The following P2RX7 variants were observed in gnomAD, a reference collection of about 807,000 sequenced individuals.
P2RX7 encodes P2X purinoceptor 7.
In P2RX7, 62 loss-of-function variants were observed where a neutral mutation model predicts 71.6. The observed-to-expected ratio is 0.87, with a 90% CI of 0.71 to 1.07. P2RX7 has a LOEUF of 1.07. P2RX7 is among the 50% of genes least tolerant of loss of function. P2RX7 has a pLI of 0.00. For missense variants in P2RX7, 686 were observed against 748.5 expected (o/e 0.92, Z 0.97); for synonymous variants, 299 against 283.3 (o/e 1.06, Z -0.56).
chr12:121,184,874 C>G lies in P2RX7; in HGVS notation c.*72C>G. On this transcript the variant is annotated 3_prime_UTR_variant, in exon 13 of 13. Coordinates refer to ENST00000328963, the MANE Select transcript of P2RX7 (RefSeq NM_002562.6). ...CCGAGGCAGGCAGATCACCTGAGGT[C>G]GGGAGTTGGAGACCCGCCTGGCTAA... The G allele has an allele frequency of 7.9e-7, 1 of 1,269,738 alleles. No homozygotes were observed. The highest frequency in any genetic ancestry group is 2.7e-4 in the Middle Eastern group (1 of 3,756). The allele number at this position is 1,269,738 out of a possible 1,614,324, so 78.7% of individuals were successfully genotyped here. A position where few individuals can be genotyped will look rare whatever the true frequency, so the allele number is the denominator to read the frequency against.
chr12:121,166,228 C>A, intron 7 of P2RX7, 41 bp downstream of exon 7: 1 of 1,596,600 alleles, frequency 6.3e-7, no homozygotes. Flanking sequence ...GGCTGTGTGT[C>A]TAGGGATGGA....
At position 121,187,358 on chromosome 12, in the gene P2RX7, A is replaced by T. The variant is rs1014872110; in HGVS notation, c.*2556A>T. On this transcript the variant is annotated 3_prime_UTR_variant, in exon 13 of 13. Transcript: ENST00000328963. ...TTTAAACTCAGGAACCAAGTTAATT[A>T]TGCCAGATTGAACTTTGATTTTTAC... The T allele has an allele frequency of 6.6e-6, 1 of 152,236 alleles. No homozygotes were observed. Among genetic ancestry groups the T allele is most frequent in the African/African-American group, 2.4e-5 (1 of 41,466 alleles). The allele number at this position is 152,236 out of a possible 1,614,324, so 9.4% of individuals were successfully genotyped here.
intron 7 of P2RX7, among the ~76,000 whole-genome samples, chr12:121,167,001 G>A (rs980132215): frequency 1.1e-4 from 16 of 149,380 alleles, no homozygotes; most frequent in South Asian, 4.2e-4. Context: ...GCAGTGAGCC[G>A]AGATCGCACC....
At chr12:121,161,552 G>C (rs1399238825) in intron 4 of P2RX7, among the ~76,000 whole-genome samples, 1 of 151,886 alleles carries the variant, frequency 6.6e-6, no homozygotes, top group Non-Finnish European at 1.5e-5. Flanking sequence ...CAGCACTTTG[G>C]GAGGGTGAGG....
At chr12:121,167,744 T>A in intron 8 of P2RX7, 120 bp downstream of exon 8, 1 of 787,984 alleles carries the variant, frequency 1.3e-6, no homozygotes, top group African/African-American at 1.8e-5. Flanking sequence ...CTCTAAGAAC[T>A]AGGTGATAAC....
At position 121,151,425 on chromosome 12, in the gene P2RX7, C is replaced by T. The variant is rs568673022; in HGVS notation, c.126-3360C>T. Among the ~76,000 whole-genome samples the T allele has an allele frequency of 7.9e-5, 12 of 151,916 alleles. No homozygotes were observed. In the South Asian group the frequency reaches 8.3e-4, roughly 11 times the overall value. On this transcript the variant is annotated intron_variant, in intron 1 of 12. Transcript: ENST00000328963. Reference sequence around the variant, plus strand: ...CTAATTTTTGTATTTTTAGTAGAGACGGGGTTTGGCCAGGTTGGTTTCGAA... The same window carrying T: ...CTAATTTTTGTATTTTTAGTAGAGATGGGGTTTGGCCAGGTTGGTTTCGAA...
intron 1 of P2RX7, among the ~76,000 whole-genome samples, chr12:121,141,092 A>C (rs1401446417): frequency 6.6e-6 from 1 of 152,168 alleles, no homozygotes; most frequent in Non-Finnish European, 1.5e-5. Context: ...TAAATAAATA[A>C]ATAAATACAT....
chr12:121,162,987 G>A (rs1383886918), intron 5 of P2RX7, among the ~76,000 whole-genome samples: 1 of 152,078 alleles, frequency 6.6e-6, no homozygotes, highest in Non-Finnish European at 1.5e-5. Flanking sequence ...GGGGGGGAAG[G>A]AAGTTTTCTC....
chr12:121,166,453 A>C (rs1044512433), intron 7 of P2RX7, among the ~76,000 whole-genome samples: 1 of 152,162 alleles, frequency 6.6e-6, no homozygotes, highest in Non-Finnish European at 1.5e-5. Flanking sequence ...CAAAGAACAC[A>C]TATTTGCTTA....
chr12:121,150,661 C>T (rs1877195863), intron 1 of P2RX7, among the ~76,000 whole-genome samples: 1 of 152,206 alleles, frequency 6.6e-6, no homozygotes. Context: ...GTAATCCCAA[C>T]ACTTTGGGAG....
chr12:121,171,113 T>C (rs532036485), intron 8 of P2RX7, among the ~76,000 whole-genome samples: 8 of 152,240 alleles, frequency 5.3e-5, no homozygotes, highest in Non-Finnish European at 1.2e-4. Flanking sequence ...CTGTTATGAC[T>C]AATTGCCACA....
chr12:121,171,820 A>G (rs1177551059), intron 8 of P2RX7, among the ~76,000 whole-genome samples: 3 of 150,678 alleles, frequency 2.0e-5, no homozygotes, highest in Non-Finnish European at 3.0e-5. Flanking sequence ...GGGGCTCAGG[A>G]GTCTGCCTCT....
intron 1 of P2RX7, among the ~76,000 whole-genome samples, chr12:121,136,023 A>AAAAAGAATATATATATATATATAT: frequency 6.6e-5 from 1 of 15,256 alleles, no homozygotes; most frequent in African/African-American, 1.2e-4. Flanking sequence ...AAAAAAAAAA[A>AAAAAGAATATATATATATATATAT]ATATATATAT....
In P2RX7 at chr12:121,186,974, C is replaced by T. The variant is rs750527532; in HGVS notation, c.*2172C>T. The T allele has an allele frequency of 9.9e-5, 15 of 152,216 alleles. No individual in the cohort carries two copies. The highest frequency in any genetic ancestry group is 1.9e-4 in the East Asian group (1 of 5,208). 9.4% of individuals were successfully genotyped at this position (152,216 alleles called of 1,614,324 possible). On this transcript the variant is annotated 3_prime_UTR_variant, in exon 13 of 13. Transcript: ENST00000328963. ...GTACTTTGCAGCCAATCAGAACTGA[C>T]GCAGTCTGGGTGCTAGCTGCTTCAA... is the stretch of plus-strand genomic sequence containing the variant.
chr12:121,160,781 C>A (rs548717336), intron 3 of P2RX7, 121 bp from the exon 4 acceptor site: 113 of 854,506 alleles, frequency 1.3e-4, no homozygotes, highest in Non-Finnish European at 2.2e-4. Context: ...ACTTTTTTGG[C>A]GATTCTGAGT....
intron 1 of P2RX7, among the ~76,000 whole-genome samples, chr12:121,144,198 TC>T (rs1875640510): frequency 6.6e-6 from 1 of 152,182 alleles, no homozygotes; most frequent in African/African-American, 2.4e-5. Context: ...AATACTAATA[TC>T]CTCTTGTTTT....
chr12:121,137,053 A>G (rs1315445265), intron 1 of P2RX7, among the ~76,000 whole-genome samples: 1 of 152,240 alleles, frequency 6.6e-6, no homozygotes, highest in Non-Finnish European at 1.5e-5. Context: ...GTGAAATCAT[A>G]ACTTACATGT....
In P2RX7 at chr12:121,184,377, C is replaced by G; in HGVS notation, c.1363C>G (p.Gln455Glu). 1 of 1,614,166 alleles carries G rather than the reference C, an allele frequency of 6.2e-7. No individual in the cohort carries two copies. The highest frequency in any genetic ancestry group is 8.5e-7 in the Non-Finnish European group (1 of 1,180,032). ...ALHDTPPIPGQPEEIQLLRKE... is the reference protein window; with the variant it reads ...ALHDTPPIPGEPEEIQLLRKE... Reference sequence around the variant, plus strand: ...CCATGACACACCCCCGATTCCTGGACAACCAGAGGAGATACAGCTGCTTAG... The same window carrying G: ...CCATGACACACCCCCGATTCCTGGAGAACCAGAGGAGATACAGCTGCTTAG... Residue 455 changes from glutamine (Q) to glutamate (E), a missense_variant, in exon 13 of 13, where the codon CAA (glutamine) becomes GAA (glutamate). By Grantham distance (29) the Gln-to-Glu change is conservative. Transcript: ENST00000328963.
In P2RX7 at chr12:121,154,711, G is replaced by T. The variant is rs548756208; in HGVS notation, c.126-74G>T. The stretch of plus-strand genomic sequence containing the variant: ...AGCTAGGATTGGAACAGAAGTGCCT[G>T]CATCCTCCAACGCCTGCATCCCAAC... On this transcript the variant is annotated intron_variant, in intron 1 of 12. Transcript: ENST00000328963. The surrounding 1 kb of genome is among the most constrained non-coding windows in gnomAD (Gnocchi z 4.2). The T allele has an allele frequency of 1.1e-4, 101 of 927,524 alleles. 1 individual carries two copies. In the South Asian group the frequency reaches 1.2e-3, roughly 11 times the overall value. The allele number at this position is 927,524 out of a possible 1,614,324, so 57.5% of individuals were successfully genotyped here.
Sources: allele counts gnomAD v4.1 joint callset (sites outside exome capture counted in the v4.1 genomes callset), GRCh38; gene constraint gnomAD v4.1.1; non-coding constraint Gnocchi (gnomAD v3.1); transcripts MANE v1.5; gene names NCBI Gene and HGNC (gene_info 2026-07-23, HGNC 2026-07-21).